Variants in STRA6 observed in about 807,000 individuals in gnomAD.
STRA6 encodes the protein signaling receptor and transporter of retinol STRA6.
In STRA6, 48 loss-of-function variants were observed where a neutral mutation model predicts 83.6. That is an observed-to-expected ratio of 0.57 (90% CI 0.46 to 0.73). The LOEUF (loss-of-function observed/expected upper bound fraction) is 0.73. Ranked by LOEUF, STRA6 falls within the 30% of genes least tolerant of loss-of-function variation. The pLI is 0.00. For synonymous variants in STRA6, 353 were observed against 362.3 expected (o/e 0.97, Z 0.29); for missense variants, 760 against 838.8 (o/e 0.91, Z 1.16).
chr15:74,192,205 A>G (rs1363316695), intron 8 of STRA6, among the ~76,000 whole-genome samples: 1 of 152,142 alleles, frequency 6.6e-6, no homozygotes, highest in Non-Finnish European at 1.5e-5. Flanking sequence ...CAAGCCTGGG[A>G]GGAAAGGCTG....
rs1345596813 is a variant in STRA6 at position 74,191,246 on chromosome 15, G to A, written c.789-3C>T. ...AGCCATGCTTGGAGGTGTGGTAGCTGCAGAAAGACCCAGGCAGGTGCGGGG... is the reference window on the plus strand; with the variant it reads ...AGCCATGCTTGGAGGTGTGGTAGCTACAGAAAGACCCAGGCAGGTGCGGGG... On this transcript the variant is annotated splice_region_variant and splice_polypyrimidine_tract_variant and intron_variant, in intron 9 of 18. Transcript: ENST00000395105. 2.5e-6 allele frequency: 4 copies of A among 1,613,412 alleles called. No individual in the cohort carries two copies. Among genetic ancestry groups the A allele is most frequent in the Admixed American group, 3.3e-5 (2 of 59,988 alleles).
chr15:74,196,196 AC>A (rs1200236578), intron 4 of STRA6, 49 bp from the exon 5 acceptor site: 16 of 1,606,950 alleles, frequency 1.0e-5, no homozygotes, highest in Non-Finnish European at 1.3e-5. Context: ...CAGCCCCTGC[AC>A]CCCCATTACC....
chr15:74,202,904 C>A, upstream of STRA6: 2 of 992,540 alleles, frequency 2.0e-6, no homozygotes, highest in Non-Finnish European at 2.4e-6. Flanking sequence ...CAAAGCCCCC[C>A]TCCTGGGGGA....
Position 74,179,905 on chromosome 15 carries a change from C to A in STRA6, c.*175G>T. ...CTCTCCCATAGCCAAGTGGGTGGAG[C>A]AGAGCCCTCCTGAGGCTCCCAGTGC... On this transcript the variant is annotated 3_prime_UTR_variant, in exon 19 of 19. Transcript: ENST00000395105. 1 of 829,756 alleles carries A rather than the reference C, an allele frequency of 1.2e-6. No individual in the cohort carries two copies. The highest frequency in any genetic ancestry group is 1.7e-5 in the African/African-American group (1 of 58,846). The allele number at this position is 829,756 out of a possible 1,614,324, so 51.4% of individuals were successfully genotyped here.
Position 74,180,056 on chromosome 15 carries a change from C to A in STRA6, c.*24G>T. On this transcript the variant is annotated 3_prime_UTR_variant, in exon 19 of 19. Coordinates refer to ENST00000395105, the MANE Select transcript of STRA6 (RefSeq NM_022369.4). The stretch of plus-strand genomic sequence containing the variant: ...AGGAACATGCCTCAGCACAGATGGG[C>A]AGGTGGGTTGACCTTCCCTGCCCTC... The A allele has an allele frequency of 6.2e-7, 1 of 1,608,348 alleles. No individual in the cohort carries two copies. Among genetic ancestry groups the A allele is most frequent in the Non-Finnish European group, 8.5e-7 (1 of 1,175,656 alleles).
intron 2 of STRA6, among the ~76,000 whole-genome samples, chr15:74,199,811 A>T (rs1288054539): frequency 6.6e-6 from 1 of 152,232 alleles, no homozygotes; most frequent in Non-Finnish European, 1.5e-5. Context: ...ACAGACATAA[A>T]GACCTTGGAG....
chr15:74,197,367 G>C lies in STRA6; in HGVS notation c.237C>G (p.Asp79Glu). 1 of 1,550,514 alleles carries C rather than the reference G, an allele frequency of 6.4e-7. No individual in the cohort carries two copies. Among genetic ancestry groups the C allele is most frequent in the Non-Finnish European group, 8.7e-7 (1 of 1,146,926 alleles). Reference sequence around the variant, plus strand: ...GCAGGCCGGGCCTGCCACGCACACAGTCAGGCCAGAGCTGGCGGCGCCTCA... The same window carrying C: ...GCAGGCCGGGCCTGCCACGCACACACTCAGGCCAGAGCTGGCGGCGCCTCA... Reference protein sequence around the residue: ...MLVRRRQLWPDCVRGRPGLPS... With the variant: ...MLVRRRQLWPECVRGRPGLPS... The change falls in exon 4 of 19, where the codon GAC (aspartate) becomes GAG (glutamate). Residue 79 changes from aspartate (D) to glutamate (E), a missense_variant. Coordinates refer to ENST00000395105, the MANE Select transcript of STRA6 (RefSeq NM_022369.4).
rs909794878 is a variant in STRA6 at position 74,188,431 on chromosome 15, G to A, written c.1090+684C>T. On this transcript the variant is annotated intron_variant, in intron 12 of 18. Transcript: ENST00000395105. The surrounding 1 kb of genome is among the most constrained non-coding windows in gnomAD (Gnocchi z 4.5). ...TCCCAAGGTGATGGAGAAGGCCCCC[G>A]CCTAGGCTTCAGGAGCCCTGCGTTC... Among the ~76,000 whole-genome samples, 5 of 152,212 alleles carry A rather than the reference G, an allele frequency of 3.3e-5. No individual in the cohort carries two copies. The highest frequency in any genetic ancestry group is 2.1e-4 in the South Asian group (1 of 4,830).
At chr15:74,195,776 A>C in intron 5 of STRA6, 101 bp from the exon 6 acceptor site, 1 of 870,190 alleles carries the variant, frequency 1.1e-6, no homozygotes, top group Non-Finnish European at 1.8e-6. Flanking sequence ...AATTTAAGAT[A>C]CTACTTCCCT....
Position 74,182,228 on chromosome 15 carries a change from G to A in STRA6, c.1453C>T (p.Leu485=). The A allele has an allele frequency of 6.2e-7, 1 of 1,614,178 alleles. No homozygotes were observed. The highest frequency in any genetic ancestry group is 8.5e-7 in the Non-Finnish European group (1 of 1,180,014). Residue 485 remains leucine, a synonymous_variant, in exon 16 of 19, where the codon CTG becomes TTG. Coordinates refer to ENST00000395105, the MANE Select transcript of STRA6 (RefSeq NM_022369.4). ...FWLTLALAVI[L]QNMAAHWVFL... is the part of the protein sequence containing the mutation. ...ACCCAATGGGCTGCCATGTTCTGCA[G>A]GATCACAGCCAGGGCCAAAGTCAGC...
chr15:74,198,334 T>G (rs1296993604), intron 2 of STRA6, among the ~76,000 whole-genome samples: 1 of 152,012 alleles, frequency 6.6e-6, no homozygotes, highest in Non-Finnish European at 1.5e-5. Flanking sequence ...TGGTCTTGGA[T>G]TTCTGAGCTC....
intron 8 of STRA6, 86 bp downstream of exon 8, chr15:74,193,714 C>A (rs964863333): frequency 3.8e-6 from 6 of 1,587,252 alleles, no homozygotes; most frequent in Admixed American, 1.7e-5. Context: ...ACATCAAGCA[C>A]GGCCATGTAT....
chr15:74,211,645 C>G (rs184680936), upstream of STRA6, among the ~76,000 whole-genome samples: 1 of 152,200 alleles, frequency 6.6e-6, no homozygotes, highest in Admixed American at 6.5e-5. Context: ...CTCAGGTGAT[C>G]TGCCCACCTC....
rs369285489 is a variant in STRA6 at position 74,197,809 on chromosome 15, G to A, written c.123C>T (p.Pro41=). The change falls in exon 3 of 19, where the codon CCC becomes CCT. Residue 41 remains proline, a synonymous_variant. Coordinates refer to ENST00000395105, the MANE Select transcript of STRA6 (RefSeq NM_022369.4). ...CGGGTGGTATGCTGGTGTGGCAGGA[G>A]GGCACTTCCCTGCAGAGCAAATGAA... The part of the protein sequence containing the change: ...GEELQPEGEV[P]SCHTSIPPGL... 3.7e-6 allele frequency: 6 copies of A among 1,613,076 alleles called. No homozygotes were observed. The highest frequency in any genetic ancestry group is 5.1e-6 in the Non-Finnish European group (6 of 1,179,990).
intron 18 of STRA6, 138 bp downstream of exon 18, chr15:74,180,644 G>T: frequency 8.2e-7 from 1 of 1,217,046 alleles, no homozygotes; most frequent in Non-Finnish European, 1.1e-6. Flanking sequence ...AGACCAGGAG[G>T]GGTGACCAAA....
At position 74,181,296 on chromosome 15, in the gene STRA6, G is replaced by A. The variant is rs779656502; in HGVS notation, c.1683C>T (p.Pro561=). 15 of 1,613,170 alleles carry A rather than the reference G, an allele frequency of 9.3e-6. No individual in the cohort carries two copies. The East Asian group carries it at 1.3e-4, about 14-fold the overall frequency. ...LLPPRAATLD[P]GYYTYRNFLK... ...TCCAGCCCCGCCCAGTGACCTTACC[G>A]GGGTCGAGAGTGGCGGCTCTCGGTG... Residue 561 remains proline, a splice_region_variant and synonymous_variant, in exon 17 of 19, where the codon CCC becomes CCT. Transcript: ENST00000395105.
intron 16 of STRA6, among the ~76,000 whole-genome samples, chr15:74,181,875 G>C (rs778200283): frequency 6.6e-6 from 1 of 152,144 alleles, no homozygotes; most frequent in Non-Finnish European, 1.5e-5. Context: ...GGAGGGGCAT[G>C]GTTTTAAGGA....
At chr15:74,202,473 G>A in intron 1 of STRA6, 191 bp from the exon 2 acceptor site, 1 of 1,535,976 alleles carries the variant, frequency 6.5e-7, no homozygotes, top group South Asian at 1.2e-5. Flanking sequence ...AAGCTGGCAC[G>A]GGAAGAGGAC....
chr15:74,201,142 C>A (rs1023139262), intron 2 of STRA6, among the ~76,000 whole-genome samples: 1 of 152,234 alleles, frequency 6.6e-6, no homozygotes, highest in African/African-American at 2.4e-5. Flanking sequence ...GTCCTCCAAA[C>A]AACAGCTCCT....
Sources: allele counts gnomAD v4.1 joint callset (sites outside exome capture counted in the v4.1 genomes callset), GRCh38; gene constraint gnomAD v4.1.1; non-coding constraint Gnocchi (gnomAD v3.1); transcripts MANE v1.5; gene names NCBI Gene and HGNC (gene_info 2026-07-23, HGNC 2026-07-21).